The following EYS variants were observed in gnomAD, a reference collection of about 807,000 sequenced individuals.
EYS encodes protein eyes shut homolog.
A neutral mutation model predicts 282.1 loss-of-function variants in EYS; 250 were observed. The observed-to-expected ratio is 0.89, with a 90% CI of 0.80 to 0.98. The LOEUF (loss-of-function observed/expected upper bound fraction) is 0.98. EYS is among the 50% of genes least tolerant of loss of function. EYS has a pLI of 0.00. For missense variants in EYS, 4,016 were observed against 3,709.0 expected (o/e 1.08, Z -2.15); for synonymous variants, 1,355 against 1,282.9 (o/e 1.06, Z -1.20).
chr6:65,609,698 C>T (rs1488194221), intron 2 of EYS, among the ~76,000 whole-genome samples: 1 of 152,036 alleles, frequency 6.6e-6, no homozygotes, highest in Non-Finnish European at 1.5e-5. Context: ...GCAGACAAAA[C>T]CAATGACAAA....
chr6:65,685,912 G>C (rs1332748700), intron 1 of EYS, among the ~76,000 whole-genome samples: 3 of 151,936 alleles, frequency 2.0e-5, no homozygotes, highest in Non-Finnish European at 4.4e-5. Flanking sequence ...TTTGATCACT[G>C]TTCTAAGGTA....
chr6:65,347,459 T>C (rs1158823155), intron 9 of EYS, among the ~76,000 whole-genome samples: 1 of 151,830 alleles, frequency 6.6e-6, no homozygotes, highest in Non-Finnish European at 1.5e-5. Flanking sequence ...TTTTATGTCT[T>C]TCATAAGCAG....
intron 14 of EYS, among the ~76,000 whole-genome samples, chr6:64,966,478 T>C (rs766017510): frequency 8.5e-5 from 13 of 152,174 alleles, no homozygotes; most frequent in Admixed American, 3.3e-4. Flanking sequence ...ATGTAGAGTA[T>C]AAAGCCAAAT....
chr6:65,372,096 T>A (rs560417427), intron 8 of EYS, among the ~76,000 whole-genome samples: 19 of 152,038 alleles, frequency 1.2e-4, no homozygotes, highest in Non-Finnish European at 2.2e-4. Context: ...AATTTTGTGT[T>A]TTTTTCTTTG....
At chr6:65,294,174 G>T (rs1490076065) in intron 12 of EYS, among the ~76,000 whole-genome samples, 1 of 151,790 alleles carries the variant, frequency 6.6e-6, no homozygotes, top group Non-Finnish European at 1.5e-5. Context: ...GGGCTGGAGA[G>T]AAAGAGGGGC....
chr6:64,477,457 T>C (rs768190683), intron 26 of EYS, among the ~76,000 whole-genome samples: 6 of 152,146 alleles, frequency 3.9e-5, no homozygotes, highest in Non-Finnish European at 7.4e-5. Flanking sequence ...TTTTGTGCTG[T>C]GGTCAGTAAA....
chr6:64,339,370 G>A (rs926708372), intron 29 of EYS, among the ~76,000 whole-genome samples: 5 of 151,812 alleles, frequency 3.3e-5, no homozygotes, highest in Middle Eastern at 3.2e-3. Context: ...CAACAAACAT[G>A]AAAAAATGCT....
chr6:64,133,525 C>A (rs2150283296), intron 31 of EYS, among the ~76,000 whole-genome samples: 1 of 148,832 alleles, frequency 6.7e-6, no homozygotes. Flanking sequence ...CAGAGAAATC[C>A]ATTTGTATTG....
At chr6:63,958,314 A>G (rs1239916547) in intron 35 of EYS, among the ~76,000 whole-genome samples, 1 of 141,006 alleles carries the variant, frequency 7.1e-6, no homozygotes, top group African/African-American at 2.4e-5. Flanking sequence ...AATAATATAA[A>G]TACAGATTAT....
intron 12 of EYS, among the ~76,000 whole-genome samples, chr6:65,207,378 G>A (rs12195719): frequency 0.043 from 6,436 of 151,168 alleles, 189 homozygotes; most frequent in Middle Eastern, 0.065. Context: ...AAAAATTGTA[G>A]ATGACACAAC....
chr6:64,420,276 G>A (rs934483121), intron 28 of EYS, among the ~76,000 whole-genome samples: 3 of 151,830 alleles, frequency 2.0e-5, no homozygotes, highest in African/African-American at 4.8e-5. Flanking sequence ...CAATTCCCTA[G>A]GCTGCATACA....
intron 29 of EYS, among the ~76,000 whole-genome samples, chr6:64,331,694 T>C (rs1021220853): frequency 1.3e-5 from 2 of 151,136 alleles, no homozygotes; most frequent in African/African-American, 4.8e-5. Flanking sequence ...GTGCTGCACC[T>C]AACTGCCATC....
At chr6:64,755,492 A>C (rs1772903722) in intron 22 of EYS, among the ~76,000 whole-genome samples, 1 of 44,490 alleles carries the variant, frequency 2.2e-5, no homozygotes, top group East Asian at 5.1e-4. Flanking sequence ...TCTTGAGAAC[A>C]TACATACACA....
intron 26 of EYS, among the ~76,000 whole-genome samples, chr6:64,451,914 C>G (rs1321138928): frequency 6.6e-6 from 1 of 152,142 alleles, no homozygotes; most frequent in African/African-American, 2.4e-5. Flanking sequence ...ACTGAATGGA[C>G]AAAAACTGGA....
chr6:65,132,955 C>T (rs1308169119), intron 12 of EYS, among the ~76,000 whole-genome samples: 1 of 151,870 alleles, frequency 6.6e-6, no homozygotes, highest in African/African-American at 2.4e-5. Flanking sequence ...AATGCAATCT[C>T]ATTCACAATT....
At chr6:65,165,300 T>A (rs80096004) in intron 12 of EYS, among the ~76,000 whole-genome samples, 7 of 149,546 alleles carry the variant, frequency 4.7e-5, no homozygotes, top group South Asian at 4.2e-4. Context: ...TTTTTTTTTT[T>A]AATTTATTTG....
chr6:63,957,071 T>G (rs1032274993), intron 35 of EYS, among the ~76,000 whole-genome samples: 2 of 152,180 alleles, frequency 1.3e-5, no homozygotes, highest in Non-Finnish European at 1.5e-5. Context: ...GATGATCAAT[T>G]AACACTGAAC....
At chr6:65,204,714 A>G (rs1765984854) in intron 12 of EYS, among the ~76,000 whole-genome samples, 1 of 151,584 alleles carries the variant, frequency 6.6e-6, no homozygotes, top group African/African-American at 2.4e-5. Flanking sequence ...CCAGTTAAAT[A>G]CCCTTGAACT....
intron 26 of EYS, among the ~76,000 whole-genome samples, chr6:64,487,101 A>C (rs1396366330): frequency 6.6e-6 from 1 of 151,210 alleles, no homozygotes; most frequent in Non-Finnish European, 1.5e-5. Flanking sequence ...CATTAAAAAA[A>C]TCATTTAGCA....
Sources: gnomAD v4.1 joint callset for allele counts (sites outside exome capture counted in the v4.1 genomes callset) on GRCh38, gnomAD v4.1.1 for gene constraint, MANE v1.5 for transcripts, NCBI Gene and HGNC (gene_info 2026-07-23, HGNC 2026-07-21) for gene names.